Variants in CD1A observed in about 807,000 individuals in gnomAD.
The protein encoded by CD1A is T-cell surface glycoprotein CD1a.
CD1A carries 50 observed loss-of-function variants against 38.3 expected under a neutral mutation model. The observed-to-expected ratio is 1.30, with a 90% confidence interval of 1.04 to 1.65. The LOEUF (loss-of-function observed/expected upper bound fraction) is 1.65, where lower values mean the gene tolerates loss of function less well. CD1A is among the 40% of genes most tolerant of loss of function. The pLI is 0.00. For synonymous variants in CD1A, 160 were observed against 150.8 expected (o/e 1.06, Z -0.45); for missense variants, 459 against 406.1 (o/e 1.13, Z -1.12).
intron 2 of CD1A, 152 bp from the exon 3 acceptor site, chr1:158,255,852 C>T (rs200414422): frequency 1.5e-5 from 10 of 682,470 alleles, no homozygotes; most frequent in African/African-American, 1.3e-4. Flanking sequence ...CAGCTCCCAC[C>T]AATTCCTCTT....
chr1:158,251,355 G>A (rs1445684621), upstream of CD1A, among the ~76,000 whole-genome samples: 1 of 152,204 alleles, frequency 6.6e-6, no homozygotes, highest in Non-Finnish European at 1.5e-5. Context: ...GAACTGCAGT[G>A]TGAGGGTTTG....
upstream of CD1A, chr1:158,254,224 A>G: frequency 2.0e-6 from 2 of 1,021,836 alleles, no homozygotes; most frequent in South Asian, 3.9e-5. Flanking sequence ...AGACAGGGGA[A>G]GAGAATACAT....
chr1:158,257,333 A>G (rs1650294397), intron 4 of CD1A, 88 bp from the exon 5 acceptor site: 2 of 1,078,502 alleles, frequency 1.9e-6, no homozygotes, highest in Non-Finnish European at 2.8e-6. Context: ...AATGAAAAAA[A>G]GAAGCCCAGG....
chr1:158,255,463 T>C (rs1035926182), intron 2 of CD1A, 113 bp downstream of exon 2: 18 of 1,180,810 alleles, frequency 1.5e-5, no homozygotes, highest in Non-Finnish European at 2.1e-5. Flanking sequence ...ATTCTATTCT[T>C]TCCACCATAA....
At chr1:158,253,322 T>G (rs1452975938), upstream of CD1A, among the ~76,000 whole-genome samples, 1 of 152,136 alleles carries the variant, frequency 6.6e-6, no homozygotes, top group African/African-American at 2.4e-5. Flanking sequence ...ATAGGACTAA[T>G]AAAAAGGGAT....
At chr1:158,255,451 T>G in intron 2 of CD1A, 101 bp downstream of exon 2, 1 of 1,257,634 alleles carries the variant, frequency 8.0e-7, no homozygotes, top group Non-Finnish European at 1.1e-6. Context: ...CTTCTGTATC[T>G]TATTCTATTC....
In CD1A at chr1:158,254,721, G is replaced by A. The variant is rs945868972; in HGVS notation, c.52G>A (p.Ala18Thr). 1.9e-6 allele frequency: 3 copies of A among 1,612,082 alleles called. No individual in the cohort carries two copies. Among genetic ancestry groups the A allele is most frequent in the Non-Finnish European group, 2.5e-6 (3 of 1,178,446 alleles). Residue 18 changes from alanine (A) to threonine (T), a missense_variant, in exon 1 of 6, where the codon GCA becomes ACA. By Grantham distance (58) the Ala-to-Thr change is moderately conservative. Coordinates refer to ENST00000289429, the MANE Select transcript of CD1A (RefSeq NM_001763.3). ...AGCTGTTCTCCCAGGTGATGGCAATGCAGACGGTAAGAACTCTGACAACTG... is the reference window on the plus strand; with the variant it reads ...AGCTGTTCTCCCAGGTGATGGCAATACAGACGGTAAGAACTCTGACAACTG... ...LLAVLPGDGN[A>T]DGLKEPLSFH... is the part of the protein sequence containing the mutation.
chr1:158,250,133 A>G (rs1449268166), upstream of CD1A, among the ~76,000 whole-genome samples: 3 of 152,206 alleles, frequency 2.0e-5, no homozygotes, highest in Non-Finnish European at 2.9e-5. Flanking sequence ...GGAATTGTGA[A>G]AGGTGATGGC....
chr1:158,252,622 C>T (rs1476963950), upstream of CD1A, among the ~76,000 whole-genome samples: 1 of 152,034 alleles, frequency 6.6e-6, no homozygotes, highest in Non-Finnish European at 1.5e-5. Context: ...TTTTTGCATG[C>T]TAATCTTAAC....
chr1:158,255,857 CCT>C, intron 2 of CD1A, 145 bp from the exon 3 acceptor site: 1 of 700,254 alleles, frequency 1.4e-6, no homozygotes, highest in Non-Finnish European at 2.4e-6. Flanking sequence ...CCCACCAATT[CCT>C]CTTTCTCTGA....
At chr1:158,252,398 C>T (rs1371069393), upstream of CD1A, among the ~76,000 whole-genome samples, 3 of 152,120 alleles carry the variant, frequency 2.0e-5, no homozygotes, top group Non-Finnish European at 4.4e-5. Flanking sequence ...AAAATTTTAG[C>T]TGAATTCTTA....
chr1:158,254,031 G>GTTCTTTTTTTT (rs1650154498), upstream of CD1A: 1 of 53,592 alleles, frequency 1.9e-5, no homozygotes, highest in Non-Finnish European at 2.8e-5. Context: ...TGTTCCTGTG[G>GTTCTTTTTTTT]TTTTTTTTTT....
At position 158,257,450 on chromosome 1, in the gene CD1A, T is replaced by G; in HGVS notation, c.913T>G (p.Leu305Val). Residue 305 changes from leucine (L) to valine (V), a missense_variant, in exon 5 of 6, where the codon TTG becomes GTG. Physicochemically the swap from Leu to Val is conservative, Grantham distance 32. Coordinates refer to ENST00000289429, the MANE Select transcript of CD1A (RefSeq NM_001763.3). ...TCACAGTTCCGTGGGCTTCATCATC[T>G]TGGCGGTGATAGTGCCTTTACTTCT... ...EHHSSVGFII[L>V]AVIVPLLLLI... 1.9e-6 allele frequency: 3 copies of G among 1,614,192 alleles called. No individual in the cohort carries two copies. The South Asian group carries it at 3.3e-5, about 18-fold the overall frequency.
chr1:158,251,452 G>A (rs563132379), upstream of CD1A, among the ~76,000 whole-genome samples: 27 of 152,202 alleles, frequency 1.8e-4, no homozygotes, highest in Non-Finnish European at 3.4e-4. Context: ...TCTGTTCCTA[G>A]GGTGGGGCTG....
At chr1:158,251,021 C>T (rs1320971738), upstream of CD1A, among the ~76,000 whole-genome samples, 1 of 152,208 alleles carries the variant, frequency 6.6e-6, no homozygotes, top group Non-Finnish European at 1.5e-5. Context: ...CAAATCTTAA[C>T]TATGAATAGC....
chr1:158,256,119 A>G lies in CD1A; in HGVS notation c.441A>G (p.Ser147=), dbSNP rs144809024. The change falls in exon 3 of 6, where the codon TCA becomes TCG. Residue 147 remains serine, a synonymous_variant. Transcript: ENST00000289429. The part of the protein sequence containing the change: ...GSDFVSFQNN[S]WLPYPVAGNM... ...ACTTTGTGAGCTTCCAGAACAATTC[A>G]TGGTTGCCATATCCAGTGGCTGGGA... 6.2e-5 allele frequency: 100 copies of G among 1,614,192 alleles called. 1 individual carries two copies. In the African/African-American group the frequency reaches 9.9e-4, roughly 16 times the overall value.
upstream of CD1A, among the ~76,000 whole-genome samples, chr1:158,250,280 G>C (rs1650051006): frequency 6.6e-6 from 1 of 152,178 alleles, no homozygotes; most frequent in Non-Finnish European, 1.5e-5. Flanking sequence ...GTGCTGGGGA[G>C]GTGAAGTGAT....
upstream of CD1A, among the ~76,000 whole-genome samples, chr1:158,250,602 C>T (rs762884804): frequency 6.6e-6 from 1 of 152,192 alleles, no homozygotes; most frequent in Non-Finnish European, 1.5e-5. Context: ...ACCATTTCTG[C>T]CATCTTCCAC....
At chr1:158,256,732 G>A (rs181541772) in intron 3 of CD1A, 54 bp from the exon 4 acceptor site, 84 of 1,565,714 alleles carry the variant, frequency 5.4e-5, no homozygotes, top group Non-Finnish European at 8.7e-7. Flanking sequence ...CTAAACTGTT[G>A]TGGAGATATG....
Sources: allele counts gnomAD v4.1 joint callset (sites outside exome capture counted in the v4.1 genomes callset), GRCh38; gene constraint gnomAD v4.1.1; transcripts MANE v1.5; gene names NCBI Gene and HGNC (gene_info 2026-07-23, HGNC 2026-07-21).